The following ALS2 variants were observed in gnomAD, a reference collection of about 807,000 sequenced individuals.
ALS2 encodes alsin.
Under a neutral mutation model 203.4 loss-of-function variants are expected in ALS2, and 117 were observed. That is an observed-to-expected ratio of 0.58 (90% CI 0.50 to 0.67). The LOEUF is 0.67. Ranked by LOEUF, ALS2 falls within the 30% of genes least tolerant of loss-of-function variation. The pLI is 0.00. For synonymous variants in ALS2, 718 were observed against 725.9 expected (o/e 0.99, Z 0.17); for missense variants, 1,715 against 1,989.4 (o/e 0.86, Z 2.62).
At chr2:201,740,411 T>A (rs994279226) in intron 11 of ALS2, among the ~76,000 whole-genome samples, 18 of 152,108 alleles carry the variant, frequency 1.2e-4, no homozygotes, top group African/African-American at 4.1e-4. Context: ...AAGCCCAAAG[T>A]ATCAAAAGCA....
chr2:201,705,020 C>T, intron 31 of ALS2, 119 bp downstream of exon 31: 1 of 976,994 alleles, frequency 1.0e-6, no homozygotes, highest in Non-Finnish European at 1.6e-6. Flanking sequence ...AGTTTGACAC[C>T]ATCAGCATAT....
At position 201,778,925 on chromosome 2, in the gene ALS2, A is replaced by T. The variant is rs138746979; in HGVS notation, c.-61+1952T>A. 9.9e-4 allele frequency among the ~76,000 whole-genome samples: 150 copies of T among 152,222 alleles called. 1 individual carries two copies. Among genetic ancestry groups the T allele is most frequent in the African/African-American group, 3.2e-3 (133 of 41,552 alleles). Reference sequence around the variant, plus strand: ...CTTTCTTCCTAGTTTTTCAACTCATACTTTACCTAGTCTCACATTAATAAA... The same window carrying T: ...CTTTCTTCCTAGTTTTTCAACTCATTCTTTACCTAGTCTCACATTAATAAA... On this transcript the variant is annotated intron_variant, in intron 1 of 33. Coordinates refer to ENST00000264276, the MANE Select transcript of ALS2 (RefSeq NM_020919.4).
chr2:201,718,842 C>T lies in ALS2; in HGVS notation c.3703-632G>A, dbSNP rs1232572073. ...AGAGGGAAACTTTTAGCTGTTAACA[C>T]CTATCTTTTCAGGAAGTTCTCGAAT... On this transcript the variant is annotated intron_variant, in intron 23 of 33. Coordinates refer to ENST00000264276, the MANE Select transcript of ALS2 (RefSeq NM_020919.4). Among the ~76,000 whole-genome samples, 5 of 152,190 alleles carry T rather than the reference C, an allele frequency of 3.3e-5. No homozygotes were observed. In the South Asian group the frequency reaches 6.2e-4, roughly 19 times the overall value.
intron 23 of ALS2, among the ~76,000 whole-genome samples, 159 bp from the exon 24 acceptor site, chr2:201,718,369 C>T (rs1171500823): frequency 6.6e-6 from 1 of 152,192 alleles, no homozygotes; most frequent in Non-Finnish European, 1.5e-5. Flanking sequence ...AAGTGATCCT[C>T]CTGCCTCAGC....
At chr2:201,707,422 T>A (rs1689782685) in intron 28 of ALS2, among the ~76,000 whole-genome samples, 1 of 151,812 alleles carries the variant, frequency 6.6e-6, no homozygotes, top group African/African-American at 2.4e-5. Context: ...AGGGGGCACC[T>A]ACCCAGCTAC....
intron 23 of ALS2, among the ~76,000 whole-genome samples, chr2:201,721,055 TAAG>T (rs1453553631): frequency 2.6e-5 from 4 of 152,066 alleles, no homozygotes; most frequent in African/African-American, 9.7e-5. Context: ...GCAATGAAAT[TAAG>T]AAAACAACGC....
chr2:201,714,338 G>GT (rs1690233496), intron 25 of ALS2, among the ~76,000 whole-genome samples: 1 of 152,202 alleles, frequency 6.6e-6, no homozygotes, highest in African/African-American at 2.4e-5. Flanking sequence ...CCCGCCCCCA[G>GT]TATAAACCCT....
chr2:201,701,677 G>T lies in ALS2; in HGVS notation c.*174C>A. 1.5e-6 allele frequency: 1 copy of T among 647,736 alleles called. No homozygotes were observed. Among genetic ancestry groups the T allele is most frequent in the South Asian group, 1.9e-5 (1 of 52,516 alleles). The allele number at this position is 647,736 out of a possible 1,614,324, so 40.1% of individuals were successfully genotyped here. Reference sequence around the variant, plus strand: ...TTCAATCCTCCCTTTAAACTATACAGTCCTTTTTTCTGGGCTCAGGGCTCT... The same window carrying T: ...TTCAATCCTCCCTTTAAACTATACATTCCTTTTTTCTGGGCTCAGGGCTCT... On this transcript the variant is annotated 3_prime_UTR_variant, in exon 34 of 34. Transcript: ENST00000264276.
intron 1 of ALS2, among the ~76,000 whole-genome samples, chr2:201,775,615 G>A (rs891137963): frequency 3.9e-5 from 6 of 152,182 alleles, no homozygotes; most frequent in Admixed American, 2.6e-4. Flanking sequence ...CACTGTGGAA[G>A]GCTGAGGAAA....
intron 30 of ALS2, 77 bp from the exon 31 acceptor site, chr2:201,705,277 G>C: frequency 2.0e-6 from 3 of 1,481,910 alleles, no homozygotes; most frequent in Non-Finnish European, 1.9e-6. Context: ...TGATGTCAGA[G>C]TGCAGGTCTT....
chr2:201,765,015 A>G (rs1397096934), intron 3 of ALS2, among the ~76,000 whole-genome samples: 3 of 150,214 alleles, frequency 2.0e-5, no homozygotes, highest in African/African-American at 7.3e-5. Context: ...TTTTTTTGAG[A>G]CAGGATCTTA....
intron 13 of ALS2, among the ~76,000 whole-genome samples, chr2:201,731,927 G>A (rs1429274255): frequency 6.6e-6 from 1 of 152,188 alleles, no homozygotes; most frequent in African/African-American, 2.4e-5. Context: ...GAGGATGGGA[G>A]TGGGAGTGTT....
In ALS2 at chr2:201,704,452, AC is replaced by A. The variant is rs1167814155; in HGVS notation, c.4838+1del. 10 of 1,613,992 alleles carry A rather than the reference AC, an allele frequency of 6.2e-6. No individual in the cohort carries two copies. The highest frequency in any genetic ancestry group is 8.5e-6 in the Non-Finnish European group (10 of 1,179,996). On this transcript the variant is annotated splice_donor_variant, in intron 32 of 33. Coordinates refer to ENST00000264276, the MANE Select transcript of ALS2 (RefSeq NM_020919.4). LOFTEE classifies it high-confidence loss of function. ...CTAATAACAAAGTCATAAAACAGTT[AC>A]CTGGCCCGTAGCACCACATATAAGA...
intron 3 of ALS2, among the ~76,000 whole-genome samples, chr2:201,762,216 C>T (rs1379793230): frequency 6.6e-6 from 1 of 152,184 alleles, no homozygotes; most frequent in Non-Finnish European, 1.5e-5. Flanking sequence ...AAAACAGACA[C>T]ATTCACTAAT....
intron 12 of ALS2, among the ~76,000 whole-genome samples, chr2:201,737,955 C>T (rs908393396): frequency 1.3e-5 from 2 of 150,698 alleles, no homozygotes; most frequent in African/African-American, 2.4e-5. Flanking sequence ...AAAACATTAA[C>T]ATCTGCTAAA....
chr2:201,760,455 A>C lies in ALS2; in HGVS notation c.1113+426T>G, dbSNP rs537051380. 6.0e-5 allele frequency: 60 copies of C among 994,282 alleles called. No individual in the cohort carries two copies. In the South Asian group the frequency reaches 2.0e-3, roughly 34 times the overall value. The allele number at this position is 994,282 out of a possible 1,614,324, so 61.6% of individuals were successfully genotyped here. On this transcript the variant is annotated intron_variant, in intron 4 of 33. Transcript: ENST00000264276. ...CTACAATTGAAGGATCTGCCACAAA[A>C]CAATCTTCCCTGTTAAAGAAGGAAA...
At chr2:201,734,775 G>C (rs77619573) in intron 12 of ALS2, among the ~76,000 whole-genome samples, 11 of 152,028 alleles carry the variant, frequency 7.2e-5, no homozygotes, top group African/African-American at 2.7e-4. Flanking sequence ...AATCTTCCCC[G>C]AAAGAGGCCA....
At chr2:201,721,963 T>G (rs942364129) in intron 23 of ALS2, 1 of 152,204 alleles carries the variant, frequency 6.6e-6, no homozygotes, top group African/African-American at 2.4e-5. Context: ...AGGCAAAGAC[T>G]TCTTAGACAT....
Position 201,725,369 on chromosome 2 carries a change from G to A in ALS2, c.3334C>T (p.Gln1112Ter). 6.2e-7 allele frequency: 1 copy of A among 1,613,528 alleles called. No individual in the cohort carries two copies. The highest frequency in any genetic ancestry group is 8.5e-7 in the Non-Finnish European group (1 of 1,179,600). ...GHWKEGKMCG[Q>*]GVYSYASGEV... Reference sequence around the variant, plus strand: ...TTCCAATGTTACCTGTAGACTCCTTGACCGCACATTTTTCCTTCTTTCCAA... The same window carrying A: ...TTCCAATGTTACCTGTAGACTCCTTAACCGCACATTTTTCCTTCTTTCCAA... Residue 1112 changes from glutamine to a stop codon, truncating the protein, a stop_gained, in exon 20 of 34, where the codon CAA becomes TAA. Coordinates refer to ENST00000264276, the MANE Select transcript of ALS2 (RefSeq NM_020919.4). LOFTEE classifies it high-confidence loss of function.
Sources: allele counts gnomAD v4.1 joint callset (sites outside exome capture counted in the v4.1 genomes callset), GRCh38; gene constraint gnomAD v4.1.1; transcripts MANE v1.5; gene names NCBI Gene and HGNC (gene_info 2026-07-23, HGNC 2026-07-21).